The following BTRC variants were observed in gnomAD, a reference collection of about 807,000 sequenced individuals.
BTRC encodes beta-transducin repeat containing E3 ubiquitin protein ligase, also known as F-box/WD repeat-containing protein 1A.
Under a neutral mutation model 85.5 loss-of-function variants are expected in BTRC, and 42 were observed. That is an observed-to-expected ratio of 0.49 (90% CI 0.38 to 0.64). BTRC has a LOEUF of 0.64. Ranked by LOEUF, BTRC falls within the 30% of genes least tolerant of loss-of-function variation. BTRC has a pLI of 0.00. For missense variants in BTRC, 594 were observed against 743.5 expected (o/e 0.80, Z 2.34); for synonymous variants, 255 against 263.3 (o/e 0.97, Z 0.30).
chr10:101,534,279 A>T (rs1238830438), intron 9 of BTRC, among the ~76,000 whole-genome samples: 1 of 152,186 alleles, frequency 6.6e-6, no homozygotes, highest in Non-Finnish European at 1.5e-5. Flanking sequence ...ATGTGACAGA[A>T]GCATCTTGGC....
chr10:101,480,279 T>C (rs1945800151), intron 4 of BTRC, among the ~76,000 whole-genome samples: 1 of 152,226 alleles, frequency 6.6e-6, no homozygotes, highest in South Asian at 2.1e-4. Context: ...CTTACTGTTA[T>C]TATTAGAGCT....
At chr10:101,472,275 C>CTCTCTTTTCTCTTCTCTTCTCT (rs1554883857) in intron 3 of BTRC, among the ~76,000 whole-genome samples, 1 of 114,244 alleles carries the variant, frequency 8.8e-6, no homozygotes, top group East Asian at 2.4e-4. Context: ...TTTTCTTTTC[C>CTCTCTTTTCTCTTCTCTTCTCT]TCTCTTCTCT....
chr10:101,457,645 A>G (rs1454494288), intron 2 of BTRC, among the ~76,000 whole-genome samples: 2 of 152,116 alleles, frequency 1.3e-5, no homozygotes, highest in Non-Finnish European at 2.9e-5. Context: ...CTATAATGAA[A>G]CTTTCCATCT....
chr10:101,445,480 A>G (rs927924997), intron 2 of BTRC, among the ~76,000 whole-genome samples: 2 of 152,168 alleles, frequency 1.3e-5, no homozygotes, highest in Admixed American at 6.5e-5. Flanking sequence ...ACTCAAGCCA[A>G]CTGTAAGGTA....
At chr10:101,396,406 ATTTT>A (rs1265051187) in intron 1 of BTRC, among the ~76,000 whole-genome samples, 2 of 127,130 alleles carry the variant, frequency 1.6e-5, no homozygotes, top group Non-Finnish European at 1.7e-5. Context: ...GGAGGTGAAG[ATTTT>A]TTTTTTTTTT....
chr10:101,519,115 G>A (rs1480396609), intron 4 of BTRC, among the ~76,000 whole-genome samples: 4 of 132,916 alleles, frequency 3.0e-5, no homozygotes, highest in Admixed American at 2.8e-4. Flanking sequence ...TTTCGCTCTC[G>A]TTGCCCAGGC....
intron 1 of BTRC, among the ~76,000 whole-genome samples, chr10:101,411,741 C>T (rs1303647637): frequency 2.7e-5 from 4 of 150,942 alleles, no homozygotes; most frequent in Non-Finnish European, 5.9e-5. Context: ...CTTCCATTGA[C>T]TGATAGTCCT....
intron 4 of BTRC, among the ~76,000 whole-genome samples, chr10:101,488,488 C>T (rs1021091138): frequency 2.0e-5 from 3 of 152,120 alleles, no homozygotes; most frequent in Admixed American, 2.0e-4. Context: ...CTCAGATATA[C>T]TAAAATTGTA....
chr10:101,471,664 T>G (rs1372896008), intron 3 of BTRC, among the ~76,000 whole-genome samples: 5 of 152,212 alleles, frequency 3.3e-5, no homozygotes, highest in African/African-American at 1.2e-4. Flanking sequence ...TGGTGGTGTT[T>G]CTTCCTTCAG....
chr10:101,541,591 G>C (rs2062470232), intron 13 of BTRC, among the ~76,000 whole-genome samples: 1 of 152,116 alleles, frequency 6.6e-6, no homozygotes, highest in South Asian at 2.1e-4. Context: ...ATTATCAGGG[G>C]ATTAGGCAGT....
rs750735634 is a variant in BTRC, at chr10:101,525,999, C to T, written c.557-14C>T. ...TCTGTGTTCTTTTTCTTTGCCTCCT[C>T]CCCCTACTGAAAGCTCGGGGATTGG... is the stretch of plus-strand genomic sequence containing the variant. On this transcript the variant is annotated splice_polypyrimidine_tract_variant and intron_variant, in intron 5 of 14. Coordinates refer to ENST00000370187, the MANE Select transcript of BTRC (RefSeq NM_033637.4). The T allele has an allele frequency of 3.1e-6, 5 of 1,610,594 alleles. No homozygotes were observed. Among genetic ancestry groups the T allele is most frequent in the African/African-American group, 1.3e-5 (1 of 74,990 alleles).
At chr10:101,422,407 T>C (rs1944127633) in intron 1 of BTRC, among the ~76,000 whole-genome samples, 1 of 152,168 alleles carries the variant, frequency 6.6e-6, no homozygotes, top group African/African-American at 2.4e-5. Flanking sequence ...AAAATTTTCT[T>C]CCATTCTGTA....
At chr10:101,427,113 C>CTTTTTTTTTTTT (rs138285266) in intron 1 of BTRC, among the ~76,000 whole-genome samples, 40 of 109,358 alleles carry the variant, frequency 3.7e-4, no homozygotes, top group South Asian at 6.0e-4. Context: ...TTTTTTCTTT[C>CTTTTTTTTTTTT]TTTTTTTTTT....
chr10:101,396,910 C>T (rs1024409567), intron 1 of BTRC, among the ~76,000 whole-genome samples: 1 of 151,596 alleles, frequency 6.6e-6, no homozygotes, highest in African/African-American at 2.4e-5. Context: ...TCAAGCAATT[C>T]TCCTGCCTCA....
chr10:101,432,793 TC>T (rs1944434723), intron 2 of BTRC, among the ~76,000 whole-genome samples: 1 of 152,142 alleles, frequency 6.6e-6, no homozygotes, highest in African/African-American at 2.4e-5. Context: ...TTGTAGAACT[TC>T]CTGTCATCCT....
intron 4 of BTRC, among the ~76,000 whole-genome samples, chr10:101,514,457 T>C (rs1352670792): frequency 1.4e-5 from 2 of 138,504 alleles, no homozygotes; most frequent in East Asian, 3.9e-4. Context: ...ATCCTTTCCC[T>C]ATTTAATTTT....
chr10:101,388,703 C>T (rs1943149005), intron 1 of BTRC, among the ~76,000 whole-genome samples: 1 of 152,102 alleles, frequency 6.6e-6, no homozygotes, highest in South Asian at 2.1e-4. Context: ...GTTGCCTAGG[C>T]TAGTCTTGAA....
intron 13 of BTRC, among the ~76,000 whole-genome samples, chr10:101,545,824 A>G (rs1330644033): frequency 1.3e-5 from 2 of 152,244 alleles, no homozygotes; most frequent in Non-Finnish European, 2.9e-5. Flanking sequence ...GGGTAGCTGT[A>G]TTAATTAGAG....
chr10:101,404,026 A>ATTTTTT (rs1438676972), intron 1 of BTRC, among the ~76,000 whole-genome samples: 10 of 26,210 alleles, frequency 3.8e-4, no homozygotes, highest in Non-Finnish European at 6.4e-4. Flanking sequence ...ATATATATAT[A>ATTTTTT]TATATTTTTT....
Sources: allele counts gnomAD v4.1 joint callset (sites outside exome capture counted in the v4.1 genomes callset), GRCh38; gene constraint gnomAD v4.1.1; transcripts MANE v1.5; gene names NCBI Gene and HGNC (gene_info 2026-07-23, HGNC 2026-07-21).